The following MTHFD1 variants were observed in gnomAD, a reference collection of about 807,000 sequenced individuals.
The protein encoded by MTHFD1 is C-1-tetrahydrofolate synthase, cytoplasmic.
MTHFD1 carries 44 observed loss-of-function variants against 110.3 expected under a neutral mutation model. The observed-to-expected ratio is 0.40, with a 90% CI of 0.31 to 0.51. The LOEUF (loss-of-function observed/expected upper bound fraction) is 0.51, where lower values mean the gene tolerates loss of function less well. Among genes scored for constraint, MTHFD1 ranks in the 20% least tolerant of loss-of-function variants. The probability of loss-of-function intolerance (pLI) is 0.60; values close to 1 mark genes in which losing one functional copy is unlikely to be tolerated. For missense variants in MTHFD1, 909 were observed against 1,173.1 expected (o/e 0.77, Z 3.29); for synonymous variants, 402 against 428.8 (o/e 0.94, Z 0.77).
intron 22 of MTHFD1, among the ~76,000 whole-genome samples, chr14:64,446,272 A>G (rs1334934459): frequency 6.6e-6 from 1 of 152,218 alleles, no homozygotes; most frequent in African/African-American, 2.4e-5. Flanking sequence ...TTGTCCTAAA[A>G]TGGAATAATT....
chr14:64,433,935 C>A (rs1303318543), intron 15 of MTHFD1, among the ~76,000 whole-genome samples: 1 of 151,966 alleles, frequency 6.6e-6, no homozygotes, highest in African/African-American at 2.4e-5. Context: ...GAGGCTGACA[C>A]AAGAGAATCG....
rs758973638 is a variant in MTHFD1, at chr14:64,454,832, G to A, written c.2675G>A (p.Arg892His). The change falls in exon 26 of 28, where the codon CGC becomes CAC. Residue 892 changes from arginine to histidine, a missense_variant. Physicochemically the swap from Arg to His is conservative, Grantham distance 29. Around this residue, in one of 3 missense-constraint regions of MTHFD1, gnomAD observed 482 missense variants for 646.0 expected, o/e 0.75. Coordinates refer to ENST00000652337, the MANE Select transcript of MTHFD1 (RefSeq NM_005956.4). ...TGFILPIRDI[R>H]ASVGAGFLYP... ...TTCATTCTGCCCATTCGCGACATCC[G>A]CGCCAGCGTTGGGGCTGGTTTTCTG... The A allele has an allele frequency of 3.1e-5, 50 of 1,614,040 alleles. No individual in the cohort carries two copies. The highest frequency in any genetic ancestry group is 8.8e-5 in the South Asian group (8 of 91,088).
At chr14:64,441,057 T>G (rs1329054325) in intron 18 of MTHFD1, 2 of 354,758 alleles carry the variant, frequency 5.6e-6, no homozygotes, top group Admixed American at 7.6e-5. Flanking sequence ...CCGGGCATAG[T>G]GGCGGGTGCC....
intron 15 of MTHFD1, among the ~76,000 whole-genome samples, chr14:64,433,713 C>CGTTT (rs1270622250): frequency 7.5e-6 from 1 of 133,256 alleles, no homozygotes; most frequent in Non-Finnish European, 1.6e-5. Context: ...CTGAGCTCAG[C>CGTTT]ATTTTTTTTT....
At chr14:64,410,415 G>GC (rs973700145) in intron 2 of MTHFD1, among the ~76,000 whole-genome samples, 1 of 137,964 alleles carries the variant, frequency 7.2e-6, no homozygotes, top group African/African-American at 2.5e-5. Flanking sequence ...GATGGGGGGG[G>GC]GGGTCTCACT....
intron 21 of MTHFD1, among the ~76,000 whole-genome samples, chr14:64,442,630 T>C (rs1286872467): frequency 6.6e-6 from 1 of 152,176 alleles, no homozygotes; most frequent in Non-Finnish European, 1.5e-5. Flanking sequence ...GGCCTACCTT[T>C]CGGAGGACAT....
In MTHFD1 at chr14:64,388,434, C is replaced by A. The variant is rs779025815; in HGVS notation, c.7C>A (p.Pro3Thr). MA[P>T]AEILNGKEIS... ...CAGCGGACTAATAAAGGCCATGGCG[C>A]CAGCAGAAATCCTGAACGGGAAGGA... Residue 3 changes from proline to threonine, a missense_variant, in exon 1 of 28, where the codon CCA becomes ACA. Transcript: ENST00000652337. 6.2e-7 allele frequency: 1 copy of A among 1,614,098 alleles called. No individual in the cohort carries two copies. Among genetic ancestry groups the A allele is most frequent in the Non-Finnish European group, 8.5e-7 (1 of 1,180,028 alleles).
At chr14:64,439,583 T>C (rs749487564) in intron 17 of MTHFD1, among the ~76,000 whole-genome samples, 4 of 152,188 alleles carry the variant, frequency 2.6e-5, no homozygotes, top group Non-Finnish European at 5.9e-5. Context: ...TTTTTGGTCC[T>C]ACTATAACAT....
rs2078237387 is a variant in MTHFD1, at chr14:64,440,232, G to C, written c.1781G>C (p.Ser594Thr). 6.2e-7 allele frequency: 1 copy of C among 1,614,076 alleles called. No individual in the cohort carries two copies. Among genetic ancestry groups the C allele is most frequent in the Admixed American group, 1.7e-5 (1 of 60,002 alleles). Residue 594 changes from serine to threonine, a missense_variant, in exon 18 of 28, where the codon AGT becomes ACT. Ser to Thr is a moderately conservative substitution (Grantham distance 58). Coordinates refer to ENST00000652337, the MANE Select transcript of MTHFD1 (RefSeq NM_005956.4). ...ERLGKMVVAS[S>T]KKGEPVSAED... is the part of the protein sequence containing the mutation. Reference sequence around the variant, plus strand: ...CTGGGCAAAATGGTGGTGGCATCCAGTAAGAAAGGAGAGCCCGTCAGTGCC... The same window carrying C: ...CTGGGCAAAATGGTGGTGGCATCCACTAAGAAAGGAGAGCCCGTCAGTGCC...
intron 1 of MTHFD1, among the ~76,000 whole-genome samples, chr14:64,397,450 G>A (rs998349975): frequency 1.1e-4 from 16 of 151,434 alleles, no homozygotes; most frequent in African/African-American, 3.9e-4. Context: ...GTGCCACCAC[G>A]CCTGGCTGAT....
At chr14:64,435,528 T>C in intron 15 of MTHFD1, 41 bp from the exon 16 acceptor site, 2 of 1,345,006 alleles carry the variant, frequency 1.5e-6, no homozygotes, top group Non-Finnish European at 1.1e-6. Flanking sequence ...ATTGTGCTTC[T>C]GTTTGTCTTA....
chr14:64,434,809 G>T (rs531995471), intron 15 of MTHFD1, among the ~76,000 whole-genome samples: 1 of 150,874 alleles, frequency 6.6e-6, no homozygotes, highest in East Asian at 1.9e-4. Flanking sequence ...GCTTCTGGGA[G>T]CGATGAATTC....
At chr14:64,446,736 G>T (rs997613265) in intron 22 of MTHFD1, among the ~76,000 whole-genome samples, 18 of 152,134 alleles carry the variant, frequency 1.2e-4, no homozygotes, top group Admixed American at 1.1e-3. Context: ...TTGAGACGGG[G>T]TTTCACCGTG....
At chr14:64,416,994 G>T (rs990976779) in intron 6 of MTHFD1, among the ~76,000 whole-genome samples, 2 of 152,086 alleles carry the variant, frequency 1.3e-5, no homozygotes, top group Non-Finnish European at 2.9e-5. Flanking sequence ...GATTTTATGC[G>T]AGAAGCACAA....
At chr14:64,439,490 G>A in intron 17 of MTHFD1, 1 of 406,700 alleles carries the variant, frequency 2.5e-6, no homozygotes, top group East Asian at 5.2e-5. Context: ...CTTGGTTTAA[G>A]AGGTACCATA....
At chr14:64,438,773 G>GA (rs1225157341) in intron 16 of MTHFD1, among the ~76,000 whole-genome samples, 1 of 151,964 alleles carries the variant, frequency 6.6e-6, no homozygotes, top group Non-Finnish European at 1.5e-5. Flanking sequence ...TCAGTCTTTT[G>GA]AAAAAATGTA....
chr14:64,397,188 TATAAAA>T (rs1566553259), intron 1 of MTHFD1, among the ~76,000 whole-genome samples: 13 of 7,072 alleles, frequency 1.8e-3, no homozygotes, highest in Non-Finnish European at 2.8e-3. Context: ...TATATATATA[TATAAAA>T]AACAGTAATC....
intron 1 of MTHFD1, chr14:64,390,587 G>C (rs886229902): frequency 6.5e-6 from 1 of 152,706 alleles, no homozygotes; most frequent in African/African-American, 2.4e-5. Flanking sequence ...GGGTTCAAGC[G>C]ATTCTCCTGC....
intron 2 of MTHFD1, among the ~76,000 whole-genome samples, chr14:64,410,880 G>T (rs1260743901): frequency 6.6e-6 from 1 of 152,116 alleles, no homozygotes; most frequent in Non-Finnish European, 1.5e-5. Flanking sequence ...GTGGGAACCA[G>T]GTGGGCCTTG....
Sources: allele counts gnomAD v4.1 joint callset (sites outside exome capture counted in the v4.1 genomes callset), GRCh38; gene constraint gnomAD v4.1.1; regional missense constraint gnomAD v4.1.1; transcripts MANE v1.5; gene names NCBI Gene and HGNC (gene_info 2026-07-23, HGNC 2026-07-21).